Variants in LRP1B observed in about 807,000 individuals in gnomAD.
LRP1B encodes low-density lipoprotein receptor-related protein 1B.
LRP1B carries 217 observed loss-of-function variants against 556.6 expected under a neutral mutation model. The ratio of observed to expected loss-of-function variants is 0.39; its 90% CI spans 0.35 to 0.44. The LOEUF (loss-of-function observed/expected upper bound fraction) is 0.44. Among genes scored for constraint, LRP1B ranks in the 20% least tolerant of loss-of-function variants. LRP1B has a pLI of 1.00. For missense variants in LRP1B, 5,053 were observed against 5,620.8 expected (o/e 0.90, Z 3.23); for synonymous variants, 2,047 against 1,865.8 (o/e 1.10, Z -2.50).
At chr2:140,668,309 C>CAAAAAAAAAAAA (rs560180473) in intron 41 of LRP1B, among the ~76,000 whole-genome samples, 2 of 59,648 alleles carry the variant, frequency 3.4e-5, no homozygotes. Flanking sequence ...GACTCCGTCT[C>CAAAAAAAAAAAA]AAAAAAAAAA....
At chr2:140,839,406 A>G (rs1692026284) in intron 31 of LRP1B, among the ~76,000 whole-genome samples, 2 of 152,174 alleles carry the variant, frequency 1.3e-5, no homozygotes, top group African/African-American at 2.4e-5. Flanking sequence ...CATTTGAGTC[A>G]GTGCACTGGA....
chr2:140,676,516 A>G (rs1008036134), intron 41 of LRP1B, among the ~76,000 whole-genome samples: 4 of 152,192 alleles, frequency 2.6e-5, no homozygotes, highest in African/African-American at 4.8e-5. Flanking sequence ...AAGGCATGCA[A>G]TCATAAAGGT....
intron 2 of LRP1B, among the ~76,000 whole-genome samples, chr2:141,728,203 C>A (rs1010532155): frequency 3.3e-5 from 5 of 152,166 alleles, no homozygotes; most frequent in Admixed American, 6.6e-5. Flanking sequence ...CCTCAGTTCT[C>A]TAGCACCTCT....
chr2:141,200,748 C>T (rs1188651102), intron 6 of LRP1B, among the ~76,000 whole-genome samples: 1 of 152,064 alleles, frequency 6.6e-6, no homozygotes, highest in Non-Finnish European at 1.5e-5. Context: ...GCACTGTCTC[C>T]CCACATTAGA....
chr2:141,662,960 A>T (rs921208074), intron 2 of LRP1B, among the ~76,000 whole-genome samples: 13 of 133,258 alleles, frequency 9.8e-5, no homozygotes, highest in African/African-American at 3.0e-4. Flanking sequence ...CAAAAAAAAT[A>T]AATAAAAAAA....
intron 3 of LRP1B, among the ~76,000 whole-genome samples, chr2:141,456,514 T>C (rs1312295593): frequency 6.6e-6 from 1 of 152,246 alleles, no homozygotes; most frequent in Non-Finnish European, 1.5e-5. Flanking sequence ...AGAGACAATA[T>C]ATTTTCATTT....
At position 140,682,705 on chromosome 2, in the gene LRP1B, C is replaced by A. The variant is rs183199428; in HGVS notation, c.6799+17545G>T. On this transcript the variant is annotated intron_variant, in intron 41 of 90. Transcript: ENST00000389484. ...GTGTGTGTGTGTGTGTGTGCGTGCA[C>A]CTTGTAGGTGAAAGAAAGAGCTAAA... Among the ~76,000 whole-genome samples, 477 of 64,592 alleles carry A rather than the reference C, an allele frequency of 7.4e-3. 3 individuals are homozygous for A. The highest frequency in any genetic ancestry group is 0.022 in the African/African-American group (401 of 18,456). The allele number at this position is 64,592 out of a possible 152,430, so 42.4% of individuals were successfully genotyped here.
At chr2:140,399,574 T>C (rs1340323560) in intron 66 of LRP1B, among the ~76,000 whole-genome samples, 2 of 152,220 alleles carry the variant, frequency 1.3e-5, no homozygotes, top group Admixed American at 6.5e-5. Flanking sequence ...ACAGGCTCTA[T>C]GAAGAAAAGT....
chr2:142,010,642 G>A (rs953707919), intron 1 of LRP1B, among the ~76,000 whole-genome samples: 11 of 149,876 alleles, frequency 7.3e-5, no homozygotes, highest in Admixed American at 4.0e-4. Context: ...ATACCCTCTC[G>A]TGTCTCCCAG....
chr2:142,051,095 G>A (rs1028500209), intron 1 of LRP1B, among the ~76,000 whole-genome samples: 5 of 152,038 alleles, frequency 3.3e-5, no homozygotes, highest in Admixed American at 3.3e-4. Context: ...CCATGAAAGA[G>A]GATATGAACA....
At chr2:141,186,121 T>C (rs1681249778) in intron 7 of LRP1B, among the ~76,000 whole-genome samples, 1 of 142,376 alleles carries the variant, frequency 7.0e-6, no homozygotes, top group East Asian at 2.0e-4. Context: ...AAGTAACAGG[T>C]ACTTTCTCCA....
chr2:141,055,132 A>G lies in LRP1B; in HGVS notation c.1536T>C (p.Asp512=), dbSNP rs753803877. 2.5e-5 allele frequency: 40 copies of G among 1,612,050 alleles called. No homozygotes were observed. Among genetic ancestry groups the G allele is most frequent in the East Asian group, 1.8e-4 (8 of 44,762 alleles). ...RCRTGFNLGS[D]GRSCKRPKNE... ...ACAACATACTTTTGCATGACCTGCCATCACTTCCCAAGTTGAAGCCAGTCC... is the reference window on the plus strand; with the variant it reads ...ACAACATACTTTTGCATGACCTGCCGTCACTTCCCAAGTTGAAGCCAGTCC... Residue 512 remains aspartate (D), a synonymous_variant, in exon 10 of 91, where the codon GAT becomes GAC. Transcript: ENST00000389484.
intron 43 of LRP1B, among the ~76,000 whole-genome samples, chr2:140,596,318 G>A (rs1245401235): frequency 1.3e-5 from 2 of 152,108 alleles, no homozygotes; most frequent in East Asian, 1.9e-4. Context: ...AAAAGATTAC[G>A]CAGAAGCTCT....
At chr2:141,142,921 CTTTTTTTTTT>C (rs35543111) in intron 7 of LRP1B, among the ~76,000 whole-genome samples, 1 of 101,434 alleles carries the variant, frequency 9.9e-6, no homozygotes, top group Non-Finnish European at 1.8e-5. Flanking sequence ...TGTCTGATTA[CTTTTTTTTTT>C]TTTTTTTTTT....
chr2:142,107,846 G>A (rs1470989100), intron 1 of LRP1B, among the ~76,000 whole-genome samples: 4 of 135,654 alleles, frequency 2.9e-5, no homozygotes, highest in African/African-American at 8.2e-5. Flanking sequence ...GGGTTTCACC[G>A]TGTTGGCTTG....
At chr2:141,426,509 CTT>C (rs1411626356) in intron 3 of LRP1B, among the ~76,000 whole-genome samples, 1 of 152,070 alleles carries the variant, frequency 6.6e-6, no homozygotes, top group African/African-American at 2.4e-5. Flanking sequence ...ATTCTAGTCT[CTT>C]AAAAAATATA....
At chr2:141,772,586 C>T (rs998741300) in intron 2 of LRP1B, among the ~76,000 whole-genome samples, 8 of 152,202 alleles carry the variant, frequency 5.3e-5, no homozygotes, top group East Asian at 1.9e-4. Context: ...TTGATTACAC[C>T]GCATGCTAAA....
intron 2 of LRP1B, among the ~76,000 whole-genome samples, chr2:141,522,689 C>A (rs1684567391): frequency 6.6e-6 from 1 of 152,128 alleles, no homozygotes; most frequent in Non-Finnish European, 1.5e-5. Flanking sequence ...TAAAATATGT[C>A]ACCATGAGGC....
chr2:140,303,341 G>C (rs959483350), intron 83 of LRP1B, among the ~76,000 whole-genome samples: 1 of 151,794 alleles, frequency 6.6e-6, no homozygotes, highest in Non-Finnish European at 1.5e-5. Flanking sequence ...TCCGCCTCCC[G>C]GGTTCACGCA....
Sources: gnomAD v4.1 joint callset for allele counts (sites outside exome capture counted in the v4.1 genomes callset) on GRCh38, gnomAD v4.1.1 for gene constraint, MANE v1.5 for transcripts, NCBI Gene and HGNC (gene_info 2026-07-23, HGNC 2026-07-21) for gene names.